The following LRCH3 variants were observed in gnomAD, a reference collection of about 807,000 sequenced individuals.
The protein encoded by LRCH3 is DISP complex protein LRCH3.
Under a neutral mutation model 104.5 loss-of-function variants are expected in LRCH3, and 68 were observed. That is an observed-to-expected ratio of 0.65 (90% CI 0.54 to 0.80). The LOEUF (loss-of-function observed/expected upper bound fraction) is 0.80, where lower values mean the gene tolerates loss of function less well. LRCH3 is among the 30% of genes least tolerant of loss of function. The probability of loss-of-function intolerance (pLI) is 0.00; values close to 1 mark genes in which losing one functional copy is unlikely to be tolerated. For missense variants in LRCH3, 951 were observed against 953.9 expected (o/e 1.00, Z 0.04); for synonymous variants, 344 against 361.3 (o/e 0.95, Z 0.54).
At position 197,791,475 on chromosome 3, in the gene LRCH3, G is replaced by T. The variant is rs1212543789; in HGVS notation, c.197G>T (p.Gly66Val). Reference protein sequence around the residue: ...AAVTGVLSLSGRKLREFPRGA... With the variant: ...AAVTGVLSLSVRKLREFPRGA... ...GTCACTGGGGTGCTGAGCCTGAGCG[G>T]CCGGAAACTGAGGGAGTTTCCCCGG... The change falls in exon 1 of 21, where the codon GGC becomes GTC. Residue 66 changes from glycine to valine, a missense_variant. Transcript: ENST00000425562. 3 of 1,601,210 alleles carry T rather than the reference G, an allele frequency of 1.9e-6. No homozygotes were observed. Among genetic ancestry groups the T allele is most frequent in the Non-Finnish European group, 1.7e-6 (2 of 1,175,358 alleles).
At chr3:197,824,800 G>A (rs913758485) in intron 4 of LRCH3, among the ~76,000 whole-genome samples, 3 of 151,610 alleles carry the variant, frequency 2.0e-5, no homozygotes, top group African/African-American at 7.3e-5. Context: ...TTGAACTTCT[G>A]ACCTCGTGAT....
chr3:197,864,834 A>G lies in LRCH3; in HGVS notation c.1717-589A>G, dbSNP rs577988074. Among the ~76,000 whole-genome samples the G allele has an allele frequency of 2.7e-3, 416 of 151,648 alleles. 4 individuals are homozygous for G. The highest frequency in any genetic ancestry group is 9.0e-3 in the African/African-American group (372 of 41,350). On this transcript the variant is annotated intron_variant, in intron 15 of 20. Coordinates refer to ENST00000425562, the MANE Select transcript of LRCH3 (RefSeq NM_001365715.1). ...TCAGGAGGTTGAGACTAACCTGGCT[A>G]ACATGGCAAGACACTGTCTCTACAA...
chr3:197,869,854 A>G lies in LRCH3; in HGVS notation c.1874-306A>G, dbSNP rs1409471973. 7.7e-3 allele frequency among the ~76,000 whole-genome samples: 594 copies of G among 77,026 alleles called. 6 individuals carry two copies. Among genetic ancestry groups the G allele is most frequent in the African/African-American group, 0.021 (405 of 19,354 alleles). 50.5% of individuals were successfully genotyped at this position (77,026 alleles called of 152,430 possible). On this transcript the variant is annotated intron_variant, in intron 17 of 20. Coordinates refer to ENST00000425562, the MANE Select transcript of LRCH3 (RefSeq NM_001365715.1). Reference sequence around the variant, plus strand: ...GTACCTGCAGGAGGTAGAAAGCGATACACTGTACCTGCAGGAGGTAGAAAG... The same window carrying G: ...GTACCTGCAGGAGGTAGAAAGCGATGCACTGTACCTGCAGGAGGTAGAAAG...
intron 15 of LRCH3, among the ~76,000 whole-genome samples, chr3:197,864,241 G>A (rs1467546161): frequency 6.6e-6 from 1 of 152,108 alleles, no homozygotes; most frequent in Non-Finnish European, 1.5e-5. Flanking sequence ...GAAAGGCAGA[G>A]GTTGTGGTGA....
At chr3:197,835,017 A>C (rs537013584) in intron 8 of LRCH3, among the ~76,000 whole-genome samples, 1 of 151,854 alleles carries the variant, frequency 6.6e-6, no homozygotes, top group Non-Finnish European at 1.5e-5. Context: ...GGTGGTGCAC[A>C]CCTGTAATCC....
In LRCH3 at chr3:197,829,607, T is replaced by C. The variant is rs766252425; in HGVS notation, c.821T>C (p.Ile274Thr). The change falls in exon 6 of 21, where the codon ATA becomes ACA. Residue 274 changes from isoleucine to threonine, a missense_variant. Transcript: ENST00000425562. ...GTCCACATATTTAAATACCTGAACA[T>C]ACAAGCTTGTAAGATTGCTCCAGAT... ...GKVHIFKYLN[I>T]QACKIAPDLP... 1.2e-6 allele frequency: 2 copies of C among 1,613,186 alleles called. No homozygotes were observed. The highest frequency in any genetic ancestry group is 2.2e-5 in the South Asian group (2 of 90,734).
intron 19 of LRCH3, among the ~76,000 whole-genome samples, chr3:197,872,615 G>T (rs1393616688): frequency 6.6e-6 from 1 of 152,174 alleles, no homozygotes; most frequent in Non-Finnish European, 1.5e-5. Context: ...CCAGCGTTTT[G>T]GGAGCCCGAG....
At chr3:197,846,069 A>C (rs144633303) in intron 10 of LRCH3, among the ~76,000 whole-genome samples, 14 of 152,148 alleles carry the variant, frequency 9.2e-5, no homozygotes, top group African/African-American at 3.4e-4. Flanking sequence ...TGAAATTAGT[A>C]ATCTAGGGAG....
rs969013849 is a variant in LRCH3 at position 197,847,724 on chromosome 3, A to G, written c.1381-148A>G. ...AAGAACCGTGCAAAGACGGGAAAAG[A>G]TTAGCCAATAAACACATTTCAAGCA... On this transcript the variant is annotated intron_variant, in intron 11 of 20. Transcript: ENST00000425562. 9 of 169,392 alleles carry G rather than the reference A, an allele frequency of 5.3e-5. No homozygotes were observed. In the African/African-American group the frequency reaches 6.7e-4, roughly 13 times the overall value. 10.5% of individuals were successfully genotyped at this position (169,392 alleles called of 1,614,324 possible).
intron 4 of LRCH3, among the ~76,000 whole-genome samples, chr3:197,821,224 G>A (rs1470645239): frequency 6.6e-6 from 1 of 152,174 alleles, no homozygotes; most frequent in Non-Finnish European, 1.5e-5. Context: ...ACCATGTGGA[G>A]GTGATGTGTA....
intron 1 of LRCH3, among the ~76,000 whole-genome samples, chr3:197,807,218 A>AT (rs57105492): frequency 0.051 from 6,845 of 134,548 alleles, 224 homozygotes; most frequent in African/African-American, 0.073. Flanking sequence ...ATAGAGTTGC[A>AT]TTTTTTTTTT....
intron 20 of LRCH3, among the ~76,000 whole-genome samples, chr3:197,879,976 C>A (rs181329747): frequency 6.7e-5 from 10 of 149,122 alleles, no homozygotes; most frequent in South Asian, 4.2e-4. Context: ...GACGGAGTCT[C>A]GCTCTGTCAC....
At chr3:197,862,120 C>T (rs1414636164) in intron 15 of LRCH3, among the ~76,000 whole-genome samples, 5 of 152,216 alleles carry the variant, frequency 3.3e-5, no homozygotes, top group East Asian at 1.9e-4. Context: ...CTCAGCCTCC[C>T]GAGTAGCTGC....
intron 6 of LRCH3, among the ~76,000 whole-genome samples, chr3:197,830,422 A>G (rs910977570): frequency 6.6e-6 from 1 of 152,216 alleles, no homozygotes; most frequent in African/African-American, 2.4e-5. Context: ...GTCAAAGTGA[A>G]GTAATGTTTA....
At chr3:197,858,813 T>C in intron 14 of LRCH3, 21 bp from the exon 15 acceptor site, 1 of 1,604,624 alleles carries the variant, frequency 6.2e-7, no homozygotes, top group South Asian at 1.1e-5. Context: ...CTGTTTCTTC[T>C]CTTTCTCATT....
At position 197,885,045 on chromosome 3, in the gene LRCH3, AAAC is replaced by A. The variant is rs1262597931; in HGVS notation, c.*1385_*1387del. On this transcript the variant is annotated 3_prime_UTR_variant, in exon 21 of 21. Transcript: ENST00000425562. ...CATCCTGTTATCTGGACATTATAAT[AAAC>A]AACAAGCCCTCTATACACAGGTTCC... 2.6e-5 allele frequency: 4 copies of A among 152,262 alleles called. No homozygotes were observed. The highest frequency in any genetic ancestry group is 1.9e-4 in the East Asian group (1 of 5,198). The allele number at this position is 152,262 out of a possible 1,614,324, so 9.4% of individuals were successfully genotyped here. A position where few individuals can be genotyped will look rare whatever the true frequency, so the allele number is the denominator to read the frequency against.
At chr3:197,807,753 CTT>C (rs1732670936) in intron 1 of LRCH3, among the ~76,000 whole-genome samples, 1 of 151,980 alleles carries the variant, frequency 6.6e-6, no homozygotes, top group Non-Finnish European at 1.5e-5. Flanking sequence ...GAGTGTATCT[CTT>C]TGTGTAGCTC....
intron 10 of LRCH3, among the ~76,000 whole-genome samples, chr3:197,843,084 TAA>T (rs11292727): frequency 0.35 from 49,236 of 140,120 alleles, 8,595 homozygotes; most frequent in East Asian, 0.46. Flanking sequence ...GACTCTGTCT[TAA>T]AAAAAAAAAA....
chr3:197,883,827 G>T lies in LRCH3; in HGVS notation c.*161G>T. On this transcript the variant is annotated 3_prime_UTR_variant, in exon 21 of 21. Transcript: ENST00000425562. This position sits in a 1 kb window ranked among gnomAD's most constrained non-coding sequence, Gnocchi z 4.2. ...TATTTTGCTTCATTTCTCCATTTTA[G>T]GGGAGGTTATTTCCATTTCCATTGA... 3 of 699,026 alleles carry T rather than the reference G, an allele frequency of 4.3e-6. No homozygotes were observed. The highest frequency in any genetic ancestry group is 6.2e-6 in the Non-Finnish European group (3 of 482,436). 43.3% of individuals were successfully genotyped at this position (699,026 alleles called of 1,614,324 possible). A position where few individuals can be genotyped will look rare whatever the true frequency, so the allele number is the denominator to read the frequency against.
Sources: allele counts gnomAD v4.1 joint callset (sites outside exome capture counted in the v4.1 genomes callset), GRCh38; gene constraint gnomAD v4.1.1; non-coding constraint Gnocchi (gnomAD v3.1); transcripts MANE v1.5; gene names NCBI Gene and HGNC (gene_info 2026-07-23, HGNC 2026-07-21).